The following SH3PXD2A variants were observed in gnomAD, a reference collection of about 807,000 sequenced individuals.
SH3PXD2A encodes SH3 and PX domain-containing protein 2A.
SH3PXD2A carries 32 observed loss-of-function variants against 115.2 expected under a neutral mutation model. The observed-to-expected ratio is 0.28, with a 90% CI of 0.21 to 0.37. The LOEUF (loss-of-function observed/expected upper bound fraction) is 0.37, where lower values mean the gene tolerates loss of function less well. Among genes scored for constraint, SH3PXD2A ranks in the 10% least tolerant of loss-of-function variants. The pLI is 1.00. For missense variants in SH3PXD2A, 1,328 were observed against 1,498.7 expected (o/e 0.89, Z 1.88); for synonymous variants, 610 against 629.1 (o/e 0.97, Z 0.45).
intron 11 of SH3PXD2A, among the ~76,000 whole-genome samples, chr10:103,613,971 T>C (rs1050251372): frequency 2.0e-5 from 3 of 152,272 alleles, no homozygotes; most frequent in Non-Finnish European, 2.9e-5. Context: ...AATAAGTGAT[T>C]TGGGGCTGGG....
intron 1 of SH3PXD2A, among the ~76,000 whole-genome samples, chr10:103,808,035 TG>T (rs909717741): frequency 5.3e-5 from 8 of 151,938 alleles, no homozygotes; most frequent in Admixed American, 5.2e-4. Context: ...GGTTCTATCA[TG>T]GGGGGGTTGG....
In SH3PXD2A at chr10:103,803,174, C is replaced by A. The variant is rs559935268; in HGVS notation, c.73-1812G>T. Among the ~76,000 whole-genome samples, 33 of 152,234 alleles carry A rather than the reference C, an allele frequency of 2.2e-4. No individual in the cohort carries two copies. In the East Asian group the frequency reaches 6.0e-3, roughly 28 times the overall value. ...TGGCGAGTTTTTTCTGAAACGCAAC[C>A]AAGGAGAGGGCCATAAAGCCAAAGC... On this transcript the variant is annotated intron_variant, in intron 1 of 14. Transcript: ENST00000369774.
intron 1 of SH3PXD2A, among the ~76,000 whole-genome samples, chr10:103,813,959 C>A (rs1386133684): frequency 7.0e-6 from 1 of 142,384 alleles, no homozygotes; most frequent in East Asian, 2.1e-4. Context: ...GGTTGAGAAC[C>A]ACTAAGCTGA....
intron 2 of SH3PXD2A, among the ~76,000 whole-genome samples, chr10:103,789,628 C>A (rs1263299921): frequency 6.6e-6 from 1 of 152,162 alleles, no homozygotes; most frequent in Non-Finnish European, 1.5e-5. Context: ...CACTGTCACC[C>A]AACACACTTT....
chr10:103,715,573 C>T (rs1371964134), intron 5 of SH3PXD2A, among the ~76,000 whole-genome samples: 6 of 152,198 alleles, frequency 3.9e-5, no homozygotes, highest in African/African-American at 1.4e-4. Flanking sequence ...GTGATCCACA[C>T]GCATCATCCC....
At position 103,614,103 on chromosome 10, in the gene SH3PXD2A, T is replaced by TTA. The variant is rs1554903667; in HGVS notation, c.921-914_921-913insTA. ...ACCAAAAAAAAATTTTTTTTTTTTT[T>TTA]AATTAGCTGGGTGTGATGGTGCATA... On this transcript the variant is annotated intron_variant, in intron 11 of 14. Coordinates refer to ENST00000369774, the MANE Select transcript of SH3PXD2A (RefSeq NM_001394015.1). Among the ~76,000 whole-genome samples the TTA allele has an allele frequency of 2.3e-3, 351 of 150,620 alleles. 2 individuals carry two copies. The highest frequency in any genetic ancestry group is 6.5e-3 in the African/African-American group (268 of 41,044).
At chr10:103,655,037 G>A (rs919132580) in intron 8 of SH3PXD2A, among the ~76,000 whole-genome samples, 7 of 152,172 alleles carry the variant, frequency 4.6e-5, no homozygotes, top group Non-Finnish European at 8.8e-5. Context: ...CCTCCAGCCA[G>A]CTCTGTGAAG....
chr10:103,738,432 C>G (rs1057349105), intron 3 of SH3PXD2A, among the ~76,000 whole-genome samples: 4 of 152,198 alleles, frequency 2.6e-5, no homozygotes, highest in Non-Finnish European at 4.4e-5. Flanking sequence ...AGATGGGTGG[C>G]CCTGGGGCTG....
At chr10:103,622,582 C>CG (rs1564846655) in intron 9 of SH3PXD2A, 29 bp from the exon 10 acceptor site, 2 of 1,420,126 alleles carry the variant, frequency 1.4e-6, no homozygotes, top group Non-Finnish European at 1.9e-6. Context: ...ATGGAGCATG[C>CG]GGCCAACAGC....
intron 1 of SH3PXD2A, among the ~76,000 whole-genome samples, chr10:103,821,142 CTTTTTT>C (rs5787500): frequency 2.0e-5 from 2 of 100,314 alleles, no homozygotes; most frequent in Non-Finnish European, 2.0e-5. Context: ...GTCGTTCATT[CTTTTTT>C]TTTTTTTTTT....
intron 5 of SH3PXD2A, among the ~76,000 whole-genome samples, chr10:103,721,750 C>T (rs1202681419): frequency 6.6e-6 from 1 of 152,128 alleles, no homozygotes. Flanking sequence ...GGTGAGGACC[C>T]AGGGATACTG....
chr10:103,835,672 C>G (rs10883922), intron 1 of SH3PXD2A, among the ~76,000 whole-genome samples: 44,863 of 152,028 alleles, frequency 0.3, 7,852 homozygotes, highest in East Asian at 0.63. Context: ...GGCCGCCCCC[C>G]CAACCCCTCA....
intron 1 of SH3PXD2A, among the ~76,000 whole-genome samples, chr10:103,813,864 A>G (rs139399786): frequency 3.9e-5 from 6 of 152,218 alleles, no homozygotes; most frequent in Non-Finnish European, 8.8e-5. Context: ...TAAAAACACT[A>G]CAGGATTTAA....
At chr10:103,808,040 G>A (rs538393051) in intron 1 of SH3PXD2A, among the ~76,000 whole-genome samples, 1 of 152,096 alleles carries the variant, frequency 6.6e-6, no homozygotes, top group East Asian at 1.9e-4. Context: ...TATCATGGGG[G>A]GGTTGGTAAG....
intron 1 of SH3PXD2A, among the ~76,000 whole-genome samples, chr10:103,817,800 A>G (rs1216392085): frequency 5.9e-5 from 9 of 152,266 alleles, no homozygotes. Flanking sequence ...ATGCTGAGTG[A>G]AAGAAGCCAG....
intron 8 of SH3PXD2A, among the ~76,000 whole-genome samples, chr10:103,636,666 C>T (rs567092186): frequency 2.0e-5 from 3 of 152,098 alleles, no homozygotes; most frequent in Non-Finnish European, 4.4e-5. Context: ...CTCGTTAGGG[C>T]CAGAGTCAGG....
At chr10:103,732,729 G>A (rs149461395) in intron 4 of SH3PXD2A, among the ~76,000 whole-genome samples, 19 of 152,320 alleles carry the variant, frequency 1.2e-4, no homozygotes, top group Non-Finnish European at 2.4e-4. Flanking sequence ...TTGTCTAGCA[G>A]GTCGAAGGAA....
chr10:103,606,349 A>G (rs1298659773), intron 13 of SH3PXD2A, among the ~76,000 whole-genome samples: 4 of 140,278 alleles, frequency 2.9e-5, no homozygotes, highest in Non-Finnish European at 4.5e-5. Flanking sequence ...AGCTGGGACT[A>G]CAGGCACACA....
At chr10:103,829,389 C>T (rs768250320) in intron 1 of SH3PXD2A, among the ~76,000 whole-genome samples, 3 of 152,118 alleles carry the variant, frequency 2.0e-5, no homozygotes, top group Non-Finnish European at 4.4e-5. Flanking sequence ...GACCCCCTAC[C>T]CCAGAAAGCA....
Sources: allele counts gnomAD v4.1 joint callset (sites outside exome capture counted in the v4.1 genomes callset), GRCh38; gene constraint gnomAD v4.1.1; transcripts MANE v1.5; gene names NCBI Gene and HGNC (gene_info 2026-07-23, HGNC 2026-07-21).